The following CLIC5 variants were observed in gnomAD, a reference collection of about 807,000 sequenced individuals.
CLIC5 encodes chloride intracellular channel protein 5.
CLIC5 carries 20 observed loss-of-function variants against 24.7 expected under a neutral mutation model. The ratio of observed to expected loss-of-function variants is 0.81; its 90% CI spans 0.57 to 1.18. The LOEUF is 1.18. Ranked by LOEUF, CLIC5 falls within the 50% of genes most tolerant of loss-of-function variation. The probability of loss-of-function intolerance (pLI) is 0.00; values close to 1 mark genes in which losing one functional copy is unlikely to be tolerated. For synonymous variants in CLIC5, 159 were observed against 135.6 expected (o/e 1.17, Z -1.20); for missense variants, 341 against 326.1 (o/e 1.05, Z -0.35).
At chr6:46,103,926 G>GTC in the CLIC5 span, among the ~76,000 whole-genome samples, 7 of 152,128 alleles carry the variant, frequency 4.6e-5, no homozygotes, top group East Asian at 1.4e-3. Context: ...GCCTCTGTTT[G>GTC]TCTCTCTCTG....
the CLIC5 span, among the ~76,000 whole-genome samples, chr6:46,114,233 C>T: frequency 3.3e-5 from 5 of 152,072 alleles, no homozygotes; most frequent in African/African-American, 9.7e-5. Flanking sequence ...CTAGTTTGTC[C>T]GCTATTGCCT....
intron 1 of CLIC5, among the ~76,000 whole-genome samples, chr6:46,050,094 T>C (rs1203347550): frequency 2.0e-5 from 3 of 152,180 alleles, no homozygotes; most frequent in African/African-American, 7.2e-5. Flanking sequence ...CAGCAAACCA[T>C]TTTAAAGCCC....
At chr6:46,041,457 C>T (rs1383182582) in intron 1 of CLIC5, among the ~76,000 whole-genome samples, 1 of 152,188 alleles carries the variant, frequency 6.6e-6, no homozygotes, top group Admixed American at 6.5e-5. Context: ...CAGGCCACCT[C>T]CCCACTCCTT....
the CLIC5 span, among the ~76,000 whole-genome samples, chr6:46,121,234 C>T: frequency 4.7e-4 from 72 of 152,294 alleles, no homozygotes; most frequent in Middle Eastern, 3.4e-3. Context: ...GCTAATCTCT[C>T]GGCAGAAACT....
upstream of CLIC5, among the ~76,000 whole-genome samples, chr6:46,084,287 T>C (rs1468773002): frequency 6.6e-6 from 1 of 152,142 alleles, no homozygotes; most frequent in Non-Finnish European, 1.5e-5. Context: ...TTAAAGTTAA[T>C]ATTGTTATGT....
chr6:46,103,954 A>C, the CLIC5 span, among the ~76,000 whole-genome samples: 1 of 152,120 alleles, frequency 6.6e-6, no homozygotes, highest in Non-Finnish European at 1.5e-5. Context: ...AAATGGTAAA[A>C]AGCACTGTTT....
chr6:45,972,519 C>G (rs1174519649), intron 1 of CLIC5, among the ~76,000 whole-genome samples: 2 of 152,194 alleles, frequency 1.3e-5, no homozygotes, highest in South Asian at 2.1e-4. Context: ...AGAAAAGGCC[C>G]TAAGAGGGAT....
At chr6:45,936,208 T>C (rs1763927745) in intron 4 of CLIC5, among the ~76,000 whole-genome samples, 2 of 146,852 alleles carry the variant, frequency 1.4e-5, no homozygotes, top group Non-Finnish European at 3.0e-5. Context: ...TTTTTTTTTT[T>C]TTTTTTTTTT....
At chr6:45,915,072 G>A (rs1762975012) in intron 4 of CLIC5, among the ~76,000 whole-genome samples, 1 of 151,162 alleles carries the variant, frequency 6.6e-6, no homozygotes, top group East Asian at 2.0e-4. Flanking sequence ...TGGGATTACA[G>A]GCACAAGCCA....
chr6:46,043,539 A>C (rs1767873813), intron 1 of CLIC5, among the ~76,000 whole-genome samples: 1 of 152,238 alleles, frequency 6.6e-6, no homozygotes, highest in Non-Finnish European at 1.5e-5. Flanking sequence ...CAAATCACAT[A>C]AGGCAAACTC....
At chr6:46,124,797 ATTT>A in the CLIC5 span, among the ~76,000 whole-genome samples, 14,644 of 152,214 alleles carry the variant, frequency 0.096, 794 homozygotes, top group East Asian at 0.16. Flanking sequence ...AAAAGAAGAC[ATTT>A]ACGCAGCCAA....
chr6:46,001,662 C>T (rs932321712), intron 1 of CLIC5, among the ~76,000 whole-genome samples: 1 of 152,152 alleles, frequency 6.6e-6, no homozygotes. Flanking sequence ...TGGAAAAGTG[C>T]ATTTCAAGTA....
At chr6:46,115,684 TG>T in the CLIC5 span, among the ~76,000 whole-genome samples, 1 of 152,228 alleles carries the variant, frequency 6.6e-6, no homozygotes, top group Non-Finnish European at 1.5e-5. Flanking sequence ...ATTATGTCAC[TG>T]AAACAAGTAG....
intron 1 of CLIC5, among the ~76,000 whole-genome samples, chr6:46,031,941 C>T (rs61494107): frequency 0.028 from 3,978 of 143,798 alleles, 84 homozygotes; most frequent in South Asian, 0.075. Context: ...TATATATATA[C>T]ACACACACAC....
intron 1 of CLIC5, among the ~76,000 whole-genome samples, chr6:45,999,552 A>G (rs915325074): frequency 9.9e-5 from 15 of 152,104 alleles, no homozygotes; most frequent in African/African-American, 3.4e-4. Flanking sequence ...AGATCCACTT[A>G]TACATGGATA....
chr6:46,033,174 C>T (rs1020425806), intron 1 of CLIC5, among the ~76,000 whole-genome samples: 2 of 151,172 alleles, frequency 1.3e-5, no homozygotes, highest in African/African-American at 2.4e-5. Flanking sequence ...TTTTTAGTAC[C>T]GACAGGGTTT....
chr6:45,963,796 C>T (rs1471133915), intron 1 of CLIC5, among the ~76,000 whole-genome samples: 1 of 152,090 alleles, frequency 6.6e-6, no homozygotes. Flanking sequence ...TAGAATTTGC[C>T]TCATTTCAAT....
intron 1 of CLIC5, among the ~76,000 whole-genome samples, chr6:46,008,215 G>T (rs1443089721): frequency 2.0e-5 from 3 of 152,048 alleles, no homozygotes; most frequent in Non-Finnish European, 2.9e-5. Flanking sequence ...CTTTTTTGCT[G>T]TCCTATTTCC....
At chr6:46,124,861 T>C in the CLIC5 span, among the ~76,000 whole-genome samples, 6 of 152,216 alleles carry the variant, frequency 3.9e-5, no homozygotes, top group Middle Eastern at 3.4e-3. Context: ...GAAGTGCAAA[T>C]CAAAACCACA....
Sources: allele counts gnomAD v4.1 joint callset (sites outside exome capture counted in the v4.1 genomes callset), GRCh38; gene constraint gnomAD v4.1.1; transcripts MANE v1.5; gene names NCBI Gene and HGNC (gene_info 2026-07-23, HGNC 2026-07-21).